The following ATP1B2 variants were observed in gnomAD, a reference collection of about 807,000 sequenced individuals.
ATP1B2 encodes the protein ATPase Na+/K+ transporting subunit beta 2, also known as sodium/potassium-transporting ATPase subunit beta-2.
A neutral mutation model predicts 37.3 loss-of-function variants in ATP1B2; 12 were observed. The ratio of observed to expected loss-of-function variants is 0.32; its 90% CI spans 0.21 to 0.52. The LOEUF (loss-of-function observed/expected upper bound fraction) is 0.52. Ranked by LOEUF, ATP1B2 falls within the 20% of genes least tolerant of loss-of-function variation. ATP1B2 has a pLI of 0.96. For missense variants in ATP1B2, 324 were observed against 391.6 expected, an observed-to-expected ratio of 0.83 and a Z score of 1.46; for synonymous variants, 139 against 140.5, an observed-to-expected ratio of 0.99 and a Z score of 0.07.
At position 7,655,174 on chromosome 17, in the gene ATP1B2, CCCTT is replaced by C. The variant is rs1475113607; in HGVS notation, c.610-348_610-345del. 1.1e-5 allele frequency: 4 copies of C among 365,950 alleles called. No individual in the cohort carries two copies. Among genetic ancestry groups the C allele is most frequent in the Non-Finnish European group, 2.0e-5 (4 of 199,284 alleles). The allele number at this position is 365,950 out of a possible 1,614,324, so 22.7% of individuals were successfully genotyped here. A position where few individuals can be genotyped will look rare whatever the true frequency, so the allele number is the denominator to read the frequency against. ...AGAAACTGGCTGCTCCCTCCACATC[CCCTT>C]CCTTGCTTCCTATTCAACCCTTAAT... On this transcript the variant is annotated intron_variant, in intron 5 of 6. Transcript: ENST00000250111. The surrounding 1 kb of genome is among the most constrained non-coding windows in gnomAD (Gnocchi z 4.4).
upstream of ATP1B2, among the ~76,000 whole-genome samples, chr17:7,650,269 G>T (rs1439349433): frequency 6.6e-6 from 1 of 152,174 alleles, no homozygotes; most frequent in Non-Finnish European, 1.5e-5. Flanking sequence ...TGGGAATGTG[G>T]TGTTGAGAGG....
upstream of ATP1B2, among the ~76,000 whole-genome samples, chr17:7,647,620 A>C (rs1437058559): frequency 1.3e-5 from 2 of 152,136 alleles, no homozygotes; most frequent in East Asian, 3.9e-4. Flanking sequence ...GGAGTTCCAG[A>C]CCAGACTGAC....
Position 7,651,220 on chromosome 17 carries a change from G to C in ATP1B2, c.-299G>C, listed in dbSNP as rs1194501328. The C allele has an allele frequency of 9.5e-5, 35 of 369,008 alleles. No homozygotes were observed. Among genetic ancestry groups the C allele is most frequent in the Non-Finnish European group, 1.2e-4 (23 of 198,726 alleles). The allele number at this position is 369,008 out of a possible 1,614,324, so 22.9% of individuals were successfully genotyped here. ...CGTTTTGTTTCTAGACGGTTTGGTG[G>C]GGGGTGAAGCTGCATTCATACCCCT... On this transcript the variant is annotated 5_prime_UTR_variant, in exon 1 of 7. Transcript: ENST00000250111.
intron 1 of ATP1B2, among the ~76,000 whole-genome samples, 176 bp from the exon 2 acceptor site, chr17:7,653,198 C>T (rs1450268890): frequency 6.6e-6 from 1 of 152,134 alleles, no homozygotes; most frequent in African/African-American, 2.4e-5. Context: ...AAGCCAGACA[C>T]AACTGCCTGT....
chr17:7,649,536 C>G (rs903925812), upstream of ATP1B2, among the ~76,000 whole-genome samples: 10 of 151,742 alleles, frequency 6.6e-5, no homozygotes, highest in Non-Finnish European at 1.5e-5. Flanking sequence ...TACAGGCACC[C>G]ACCACCATGC....
At chr17:7,647,776 G>C (rs564586027), upstream of ATP1B2, among the ~76,000 whole-genome samples, 4 of 151,396 alleles carry the variant, frequency 2.6e-5, no homozygotes, top group East Asian at 7.8e-4. Context: ...CCAAGATCGC[G>C]CCATTGCACT....
In ATP1B2 at chr17:7,653,520, C is replaced by G. The variant is rs112262799; in HGVS notation, c.241+18C>G. The G allele has an allele frequency of 6.2e-7, 1 of 1,613,412 alleles. No homozygotes were observed. Among genetic ancestry groups the G allele is most frequent in the African/African-American group, 1.3e-5 (1 of 74,880 alleles). ...CACACCGGGTGAGTGTGGAGGCTCCCCCTGCCAGCTACTCTAACTGCTCTT... is the reference window on the plus strand; with the variant it reads ...CACACCGGGTGAGTGTGGAGGCTCCGCCTGCCAGCTACTCTAACTGCTCTT... On this transcript the variant is annotated intron_variant, in intron 2 of 6. Coordinates refer to ENST00000250111, the MANE Select transcript of ATP1B2 (RefSeq NM_001678.5).
intron 2 of ATP1B2, 37 bp from the exon 3 acceptor site, chr17:7,653,804 T>G (rs755985675): frequency 7.5e-6 from 12 of 1,596,488 alleles, no homozygotes; most frequent in Non-Finnish European, 9.4e-6. Context: ...TCCCTCATCT[T>G]ATAGATACCC....
chr17:7,656,352 A>C lies in ATP1B2; in HGVS notation c.*457A>C. Reference sequence around the variant, plus strand: ...TGTGGCACTCCCTCCTTCCATTCCTAAGCTCTGGCCACCGTCCCTTGATCT... The same window carrying C: ...TGTGGCACTCCCTCCTTCCATTCCTCAGCTCTGGCCACCGTCCCTTGATCT... On this transcript the variant is annotated 3_prime_UTR_variant, in exon 7 of 7. Coordinates refer to ENST00000250111, the MANE Select transcript of ATP1B2 (RefSeq NM_001678.5). 5.6e-6 allele frequency: 1 copy of C among 177,148 alleles called. No homozygotes were observed. The highest frequency in any genetic ancestry group is 1.5e-4 in the East Asian group (1 of 6,862). 11.0% of individuals were successfully genotyped at this position (177,148 alleles called of 1,614,324 possible). A position where few individuals can be genotyped will look rare whatever the true frequency, so the allele number is the denominator to read the frequency against.
Position 7,655,579 on chromosome 17 carries a change from G to T in ATP1B2, c.662G>T (p.Gly221Val). 1 of 1,614,136 alleles carries T rather than the reference G, an allele frequency of 6.2e-7. No individual in the cohort carries two copies. The highest frequency in any genetic ancestry group is 8.5e-7 in the Non-Finnish European group (1 of 1,180,040). Residue 221 changes from glycine to valine, a missense_variant, in exon 6 of 7, where the codon GGC becomes GTC. Physicochemically the swap from Gly to Val is moderately radical, Grantham distance 109 (BLOSUM62 -3). Coordinates refer to ENST00000250111, the MANE Select transcript of ATP1B2 (RefSeq NM_001678.5). This position sits in a 1 kb window ranked among gnomAD's most constrained non-coding sequence, Gnocchi z 4.4. ...AACTTCGTCATGTTCCCCGCCAACGGCAACATCGACCTCATGTACTTCCCC... is the reference window on the plus strand; with the variant it reads ...AACTTCGTCATGTTCCCCGCCAACGTCAACATCGACCTCATGTACTTCCCC... ...LGNFVMFPAN[G>V]NIDLMYFPYY...
Position 7,653,725 on chromosome 17 carries a change from G to A in ATP1B2, c.242-116G>A, listed in dbSNP as rs928518935. The A allele has an allele frequency of 6.0e-5, 77 of 1,278,344 alleles. No individual in the cohort carries two copies. The African/African-American group carries it at 8.9e-4, about 15-fold the overall frequency. 79.2% of individuals were successfully genotyped at this position (1,278,344 alleles called of 1,614,324 possible). A position where few individuals can be genotyped will look rare whatever the true frequency, so the allele number is the denominator to read the frequency against. On this transcript the variant is annotated intron_variant, in intron 2 of 6. Coordinates refer to ENST00000250111, the MANE Select transcript of ATP1B2 (RefSeq NM_001678.5). Reference sequence around the variant, plus strand: ...CAGGAGATCACCCTCCCATGAAGACGATCTCAGATATTCACCGCTGTCCCC... The same window carrying A: ...CAGGAGATCACCCTCCCATGAAGACAATCTCAGATATTCACCGCTGTCCCC...
At chr17:7,652,464 C>T (rs112096564) in intron 1 of ATP1B2, among the ~76,000 whole-genome samples, 69 of 152,248 alleles carry the variant, frequency 4.5e-4, no homozygotes, top group African/African-American at 1.6e-3. Flanking sequence ...CTGTGTGACA[C>T]GATTTACAAT....
In ATP1B2 at chr17:7,654,592, T is replaced by G; in HGVS notation, c.553-36T>G. 6.2e-7 allele frequency: 1 copy of G among 1,610,910 alleles called. No homozygotes were observed. Among genetic ancestry groups the G allele is most frequent in the South Asian group, 1.1e-5 (1 of 91,010 alleles). On this transcript the variant is annotated intron_variant, in intron 4 of 6. Transcript: ENST00000250111. This position sits in a 1 kb window ranked among gnomAD's most constrained non-coding sequence, Gnocchi z 4.9. ...TGGATGCCCATCTTCGACAACTTCT[T>G]CCTCTGACTCTCTTCACCTTCCACC...
Position 7,657,107 on chromosome 17 carries a change from A to G in ATP1B2, c.*1212A>G, listed in dbSNP as rs1181079533. ...CTTCCCCCATTCGCCTTCCCAGAAT[A>G]TCCTTCAAGTTCCACTTCCCAGGGA... On this transcript the variant is annotated 3_prime_UTR_variant, in exon 7 of 7. Coordinates refer to ENST00000250111, the MANE Select transcript of ATP1B2 (RefSeq NM_001678.5). 1 of 152,044 alleles carries G rather than the reference A, an allele frequency of 6.6e-6. No individual in the cohort carries two copies. Among genetic ancestry groups the G allele is most frequent in the Non-Finnish European group, 1.5e-5 (1 of 68,020 alleles). The allele number at this position is 152,044 out of a possible 1,614,324, so 9.4% of individuals were successfully genotyped here.
At position 7,651,279 on chromosome 17, in the gene ATP1B2, C is replaced by A; in HGVS notation, c.-240C>A. ...TTATTCTCCCCTGCTCTGACAGCAC[C>A]CCTTTTCATCGCAGTTGGGGGGCCT... On this transcript the variant is annotated 5_prime_UTR_variant, in exon 1 of 7. Coordinates refer to ENST00000250111, the MANE Select transcript of ATP1B2 (RefSeq NM_001678.5). 1 of 538,278 alleles carries A rather than the reference C, an allele frequency of 1.9e-6. No homozygotes were observed. The highest frequency in any genetic ancestry group is 2.0e-5 in the South Asian group (1 of 49,952). 33.3% of individuals were successfully genotyped at this position (538,278 alleles called of 1,614,324 possible). A position where few individuals can be genotyped will look rare whatever the true frequency, so the allele number is the denominator to read the frequency against.
In ATP1B2 at chr17:7,656,381, A is replaced by G. The variant is rs140242275; in HGVS notation, c.*486A>G. 4.5e-4 allele frequency: 76 copies of G among 169,910 alleles called. No individual in the cohort carries two copies. Among genetic ancestry groups the G allele is most frequent in the African/African-American group, 1.8e-3 (75 of 41,942 alleles). The allele number at this position is 169,910 out of a possible 1,614,324, so 10.5% of individuals were successfully genotyped here. On this transcript the variant is annotated 3_prime_UTR_variant, in exon 7 of 7. Coordinates refer to ENST00000250111, the MANE Select transcript of ATP1B2 (RefSeq NM_001678.5). Reference sequence around the variant, plus strand: ...TCTGGCCACCGTCCCTTGATCTCTCATACTTTCTCCCTGTCTACACAGTCG... The same window carrying G: ...TCTGGCCACCGTCCCTTGATCTCTCGTACTTTCTCCCTGTCTACACAGTCG...
chr17:7,655,827 G>A lies in ATP1B2; in HGVS notation c.805G>A (p.Ala269Thr), dbSNP rs771519448. The A allele has an allele frequency of 8.1e-6, 13 of 1,613,952 alleles. No homozygotes were observed. The highest frequency in any genetic ancestry group is 3.3e-4 in the Middle Eastern group (2 of 6,084). ...ATGTCGCATCAACGCCGCCAACATC[G>A]CCACAGACGATGAGCGAGACAAGTT... ...VECRINAANI[A>T]TDDERDKFAG... Residue 269 changes from alanine (A) to threonine (T), a missense_variant, in exon 7 of 7, where the codon GCC (alanine) becomes ACC (threonine). By Grantham distance (58) the Ala-to-Thr change is moderately conservative. Transcript: ENST00000250111. This position sits in a 1 kb window ranked among gnomAD's most constrained non-coding sequence, Gnocchi z 4.4.
In ATP1B2 at chr17:7,655,613, C is replaced by G. The variant is rs781070046; in HGVS notation, c.696C>G (p.Gly232=). The G allele has an allele frequency of 1.1e-5, 17 of 1,614,130 alleles. No individual in the cohort carries two copies. The highest frequency in any genetic ancestry group is 1.4e-5 in the Non-Finnish European group (17 of 1,180,028). Residue 232 remains glycine (G), a synonymous_variant, in exon 6 of 7, where the codon GGC becomes GGG. Coordinates refer to ENST00000250111, the MANE Select transcript of ATP1B2 (RefSeq NM_001678.5). This position sits in a 1 kb window ranked among gnomAD's most constrained non-coding sequence, Gnocchi z 4.4. Reference sequence around the variant, plus strand: ...ACCTCATGTACTTCCCCTACTATGGCAAAAAGTTCCACGTAAGTCCCAGGG... The same window carrying G: ...ACCTCATGTACTTCCCCTACTATGGGAAAAAGTTCCACGTAAGTCCCAGGG... ...NIDLMYFPYY[G]KKFHVNYTQP... is the part of the protein sequence containing the mutation.
intron 1 of ATP1B2, among the ~76,000 whole-genome samples, chr17:7,652,799 G>C (rs969182456): frequency 1.3e-5 from 2 of 152,154 alleles, no homozygotes; most frequent in Non-Finnish European, 2.9e-5. Flanking sequence ...TGAACTGAGG[G>C]TGGGGTGACT....
Sources: allele counts gnomAD v4.1 joint callset (sites outside exome capture counted in the v4.1 genomes callset), GRCh38; gene constraint gnomAD v4.1.1; non-coding constraint Gnocchi (gnomAD v3.1); transcripts MANE v1.5; gene names NCBI Gene and HGNC (gene_info 2026-07-23, HGNC 2026-07-21).